GCG: variants seen among roughly 807,000 people sequenced by gnomAD.
GCG encodes glucagon, also known as pro-glucagon.
In GCG, 11 loss-of-function variants were observed where a neutral mutation model predicts 22.8. The observed-to-expected ratio is 0.48, with a 90% CI of 0.30 to 0.80. The LOEUF (loss-of-function observed/expected upper bound fraction) is 0.80. Ranked by LOEUF, GCG falls within the 30% of genes least tolerant of loss-of-function variation. The pLI is 0.06. For synonymous variants in GCG, 89 were observed against 72.4 expected (o/e 1.23, Z -1.16); for missense variants, 222 against 222.0 (o/e 1.00, Z 0.00).
intron 5 of GCG, 80 bp from the exon 6 acceptor site, chr2:162,143,450 G>T: frequency 8.6e-6 from 5 of 578,922 alleles, no homozygotes; most frequent in South Asian, 3.1e-5. Flanking sequence ...ATATTTCAAT[G>T]ATTTATTTTG....
chr2:162,148,208 G>C (rs975038417), intron 2 of GCG, among the ~76,000 whole-genome samples: 1 of 152,174 alleles, frequency 6.6e-6, no homozygotes, highest in African/African-American at 2.4e-5. Flanking sequence ...ATGAGAGTGT[G>C]CATGTGTATG....
chr2:162,147,929 A>C (rs571051905), intron 2 of GCG, among the ~76,000 whole-genome samples: 1 of 152,248 alleles, frequency 6.6e-6, no homozygotes, highest in Admixed American at 6.5e-5. Context: ...TAATATGAAA[A>C]CAGCACAATT....
Position 162,143,002 on chromosome 2 carries a change from T to C in GCG, c.*362A>G, listed in dbSNP as rs374121111. On this transcript the variant is annotated 3_prime_UTR_variant, in exon 6 of 6. Transcript: ENST00000418842. ...TCACCACTGTGGCTACCAGTTCTTC[T>C]ATTCTCCTATTATTATAATGCAGAT... 101 of 172,408 alleles carry C rather than the reference T, an allele frequency of 5.9e-4. 2 individuals are homozygous for C. In the South Asian group the frequency reaches 0.015, roughly 25 times the overall value. The allele number at this position is 172,408 out of a possible 1,614,324, so 10.7% of individuals were successfully genotyped here. A position where few individuals can be genotyped will look rare whatever the true frequency, so the allele number is the denominator to read the frequency against.
At chr2:162,143,981 CT>C in intron 5 of GCG, 45 bp downstream of exon 5, 1 of 1,557,584 alleles carries the variant, frequency 6.4e-7, no homozygotes, top group Non-Finnish European at 8.8e-7. Context: ...ACAATCAGTA[CT>C]TATGAGAATT....
intron 4 of GCG, chr2:162,144,998 A>G (rs1258802931): frequency 1.3e-5 from 2 of 152,022 alleles, no homozygotes; most frequent in Non-Finnish European, 2.9e-5. Context: ...GTTTTTACCT[A>G]TTTGTACTTT....
chr2:162,144,196 C>T (rs760534723), intron 4 of GCG, 26 bp from the exon 5 acceptor site: 15 of 1,577,806 alleles, frequency 9.5e-6, no homozygotes, highest in East Asian at 6.7e-5. Context: ...TTAAAATTAG[C>T]GTTTGATTAG....
At chr2:162,145,200 C>T (rs1686651008) in intron 4 of GCG, 1 of 181,584 alleles carries the variant, frequency 5.5e-6, no homozygotes, top group South Asian at 2.0e-4. Context: ...TTATCTCTAG[C>T]TCCCCTAGAA....
intron 5 of GCG, among the ~76,000 whole-genome samples, chr2:162,143,626 G>C (rs1024638044): frequency 6.6e-6 from 1 of 151,746 alleles, no homozygotes; most frequent in Non-Finnish European, 1.5e-5. Flanking sequence ...AGTATTTTTC[G>C]GTGTCCAGTT....
At position 162,148,767 on chromosome 2, in the gene GCG, G is replaced by A. The variant is rs1686758977; in HGVS notation, c.92+320C>T. On this transcript the variant is annotated intron_variant, in intron 2 of 5. Coordinates refer to ENST00000418842, the MANE Select transcript of GCG (RefSeq NM_002054.5). The stretch of plus-strand genomic sequence containing the variant: ...TTAAAGGAGGAAAAAAGAGAAAAGA[G>A]TTGGTGCGAATAATTGAAGTAATCT... Among the ~76,000 whole-genome samples, 5 of 152,210 alleles carry A rather than the reference G, an allele frequency of 3.3e-5. No individual in the cohort carries two copies. In the South Asian group the frequency reaches 1.0e-3, roughly 32 times the overall value.
chr2:162,143,914 A>G (rs776183681), intron 5 of GCG, 113 bp downstream of exon 5: 1 of 810,402 alleles, frequency 1.2e-6, no homozygotes, highest in Non-Finnish European at 2.1e-6. Flanking sequence ...ATTATTTCCT[A>G]TATAATAAGA....
In GCG at chr2:162,144,009, T is replaced by C; in HGVS notation, c.536+18A>G. 1.2e-6 allele frequency: 2 copies of C among 1,608,686 alleles called. No homozygotes were observed. The highest frequency in any genetic ancestry group is 1.1e-5 in the South Asian group (1 of 90,870). On this transcript the variant is annotated intron_variant, in intron 5 of 5. Coordinates refer to ENST00000418842, the MANE Select transcript of GCG (RefSeq NM_002054.5). ...ATGAGAATTTGATGGTTTTCAGAAT[T>C]AACTAAAAAGCAGTCACCTGTCAGT...
chr2:162,149,460 G>A (rs1019045643), intron 1 of GCG, among the ~76,000 whole-genome samples: 3 of 152,016 alleles, frequency 2.0e-5, no homozygotes, highest in African/African-American at 7.2e-5. Flanking sequence ...TTAATAATTA[G>A]AAGGCTCATT....
At chr2:162,147,264 C>T (rs771481972) in intron 3 of GCG, 89 bp downstream of exon 3, 22 of 950,950 alleles carry the variant, frequency 2.3e-5, no homozygotes, top group Non-Finnish European at 3.5e-5. Context: ...CACTATTTGA[C>T]GAGCATAAGA....
intron 1 of GCG, among the ~76,000 whole-genome samples, chr2:162,150,999 T>C (rs1280869606): frequency 6.6e-6 from 1 of 151,836 alleles, no homozygotes; most frequent in Non-Finnish European, 1.5e-5. Flanking sequence ...TTTGTGAAAG[T>C]CTATCGAATT....
At chr2:162,151,745 G>A (rs1207134893) in intron 1 of GCG, among the ~76,000 whole-genome samples, 1 of 152,050 alleles carries the variant, frequency 6.6e-6, no homozygotes, top group African/African-American at 2.4e-5. Context: ...TCTGTTATAG[G>A]CTCCCTAATG....
chr2:162,148,827 G>A (rs987789314), intron 2 of GCG, among the ~76,000 whole-genome samples: 4 of 152,044 alleles, frequency 2.6e-5, no homozygotes, highest in Non-Finnish European at 4.4e-5. Context: ...TTGATAGATA[G>A]GATCATCTGT....
In GCG at chr2:162,146,828, G is replaced by GC. The variant is rs534351125; in HGVS notation, c.254+524dup. The stretch of plus-strand genomic sequence containing the variant: ...CATTAAAATGTATGCCTTACGATAG[G>GC]CTTGTGTTCTTATTTGCTGCCTTCT... On this transcript the variant is annotated intron_variant, in intron 3 of 5. Transcript: ENST00000418842. Among the ~76,000 whole-genome samples the GC allele has an allele frequency of 1.8e-3, 274 of 152,154 alleles. 1 individual carries two copies. The highest frequency in any genetic ancestry group is 6.0e-3 in the African/African-American group (249 of 41,510).
Position 162,149,121 on chromosome 2 carries a change from G to T in GCG, c.58C>A (p.Gln20Lys). 1 of 1,611,858 alleles carries T rather than the reference G, an allele frequency of 6.2e-7. No homozygotes were observed. Among genetic ancestry groups the T allele is most frequent in the Non-Finnish European group, 8.5e-7 (1 of 1,178,282 alleles). ...TCCTCTGTGTCTTGAAGGGAACGTT[G>T]CCAGCTGCCTTGTACCAGCATTACA... ...LFVMLVQGSW[Q>K]RSLQDTEEKS... Residue 20 changes from glutamine (Q) to lysine (K), a missense_variant, in exon 2 of 6, where the codon CAA (glutamine) becomes AAA (lysine). Transcript: ENST00000418842.
chr2:162,144,036 A>G lies in GCG; in HGVS notation c.527T>C (p.Ile176Thr). 6.2e-7 allele frequency: 1 copy of G among 1,613,108 alleles called. No homozygotes were observed. The highest frequency in any genetic ancestry group is 8.5e-7 in the Non-Finnish European group (1 of 1,179,292). The change falls in exon 5 of 6, where the codon ATC becomes ACC. Residue 176 changes from isoleucine (I) to threonine (T), a missense_variant. Ile to Thr is a moderately conservative substitution (Grantham distance 89, BLOSUM62 -1). Transcript: ENST00000418842. ...ACTAAAAAGCAGTCACCTGTCAGTG[A>G]TTTTGGTCTGAATCAACCAGTTTAT... Reference protein sequence around the residue: ...DFINWLIQTKITDRK With the variant: ...DFINWLIQTKTTDRK
Sources: gnomAD v4.1 joint callset for allele counts (sites outside exome capture counted in the v4.1 genomes callset) on GRCh38, gnomAD v4.1.1 for gene constraint, MANE v1.5 for transcripts, NCBI Gene and HGNC (gene_info 2026-07-23, HGNC 2026-07-21) for gene names.